Variants in ARHGEF10L observed in about 807,000 individuals in gnomAD.
ARHGEF10L encodes Rho guanine nucleotide exchange factor 10 like.
Under a neutral mutation model 141.2 loss-of-function variants are expected in ARHGEF10L, and 69 were observed. The ratio of observed to expected loss-of-function variants is 0.49; its 90% CI spans 0.40 to 0.60. ARHGEF10L has a LOEUF of 0.60. ARHGEF10L is among the 20% of genes least tolerant of loss of function. The pLI, the probability that ARHGEF10L is intolerant of heterozygous loss-of-function variation, is 0.00. For missense variants in ARHGEF10L, 1,482 were observed against 1,734.3 expected (o/e 0.85, Z 2.58); for synonymous variants, 711 against 718.5 (o/e 0.99, Z 0.17).
chr1:17,638,148 G>A lies in ARHGEF10L; in HGVS notation c.2043+145G>A, dbSNP rs183789712. 3.3e-4 allele frequency: 246 copies of A among 749,140 alleles called. 3 individuals carry two copies. In the East Asian group the frequency reaches 4.7e-3, roughly 14 times the overall value. The allele number at this position is 749,140 out of a possible 1,614,324, so 46.4% of individuals were successfully genotyped here. ...TTCTGAGCTCCTGTTGGCAACTGTCGCTGCTGAAGCTCCATGTCCCTGCCT... is the reference window on the plus strand; with the variant it reads ...TTCTGAGCTCCTGTTGGCAACTGTCACTGCTGAAGCTCCATGTCCCTGCCT... On this transcript the variant is annotated intron_variant, in intron 19 of 28. Transcript: ENST00000361221.
intron 26 of ARHGEF10L, among the ~76,000 whole-genome samples, chr1:17,665,078 A>G (rs12075624): frequency 0.18 from 27,540 of 152,150 alleles, 2,648 homozygotes; most frequent in African/African-American, 0.24. Context: ...TGGGGGGCTC[A>G]TCCCTGGCTC....
At chr1:17,655,464 CATCCATCCATCCATCT>C (rs532393378) in intron 23 of ARHGEF10L, among the ~76,000 whole-genome samples, 7 of 119,190 alleles carry the variant, frequency 5.9e-5, no homozygotes, top group African/African-American at 1.6e-4. Flanking sequence ...TCCATCCATC[CATCCATCCATCCATCT>C]ATCCATCCAT....
intron 1 of ARHGEF10L, among the ~76,000 whole-genome samples, chr1:17,551,739 C>G (rs2077119730): frequency 6.6e-6 from 1 of 152,142 alleles, no homozygotes; most frequent in African/African-American, 2.4e-5. Context: ...GCTCATTTTT[C>G]TCTTCCAAAA....
chr1:17,691,048 C>A, intron 27 of ARHGEF10L: 1 of 433,736 alleles, frequency 2.3e-6, no homozygotes, highest in Non-Finnish European at 4.6e-6. Flanking sequence ...CCCCTGACCC[C>A]TTTCTTCCAC....
At chr1:17,584,854 C>T (rs530185112) in intron 2 of ARHGEF10L, among the ~76,000 whole-genome samples, 5 of 147,900 alleles carry the variant, frequency 3.4e-5, no homozygotes, top group South Asian at 2.1e-4. Context: ...TGCACGTGTG[C>T]GTGCACACAC....
Position 17,624,426 on chromosome 1 carries a change from G to C in ARHGEF10L, c.1240G>C (p.Val414Leu), listed in dbSNP as rs755899050. 3.0e-5 allele frequency: 48 copies of C among 1,614,056 alleles called. No homozygotes were observed. Among genetic ancestry groups the C allele is most frequent in the Non-Finnish European group, 4.1e-5 (48 of 1,180,030 alleles). The change falls in exon 13 of 29, where the codon GTG (valine) becomes CTG (leucine). Residue 414 changes from valine (V) to leucine (L), a missense_variant. By Grantham distance (32) the Val-to-Leu change is conservative. Coordinates refer to ENST00000361221, the MANE Select transcript of ARHGEF10L (RefSeq NM_018125.4). ...SMVLDVYSDY[V>L]NNFTSAMSII... Reference sequence around the variant, plus strand: ...GGTGCTAGATGTGTACAGTGACTACGTGAACAACTTCACCAGTGCCATGTC... The same window carrying C: ...GGTGCTAGATGTGTACAGTGACTACCTGAACAACTTCACCAGTGCCATGTC...
upstream of ARHGEF10L, among the ~76,000 whole-genome samples, chr1:17,535,380 G>A (rs556950892): frequency 3.9e-5 from 6 of 152,326 alleles, no homozygotes; most frequent in South Asian, 1.0e-3. Flanking sequence ...TGTGTGACCT[G>A]GTTCCTAACA....
Position 17,619,730 on chromosome 1 carries a change from C to T in ARHGEF10L, c.942+285C>T, listed in dbSNP as rs917699884. ...AACTCCATGGCATGCAGAGCAGTCC[C>T]GTTGGCTGTTTCTGACTAAGGTGTC... On this transcript the variant is annotated intron_variant, in intron 10 of 28. Coordinates refer to ENST00000361221, the MANE Select transcript of ARHGEF10L (RefSeq NM_018125.4). This position sits in a 1 kb window ranked among gnomAD's most constrained non-coding sequence, Gnocchi z 5.0. Among the ~76,000 whole-genome samples, 1 of 152,184 alleles carries T rather than the reference C, an allele frequency of 6.6e-6. No individual in the cohort carries two copies. The highest frequency in any genetic ancestry group is 1.9e-4 in the East Asian group (1 of 5,190).
At position 17,607,399 on chromosome 1, in the gene ARHGEF10L, C is replaced by T. The variant is rs114182536; in HGVS notation, c.434-403C>T. On this transcript the variant is annotated intron_variant, in intron 6 of 28. Transcript: ENST00000361221. This position sits in a 1 kb window ranked among gnomAD's most constrained non-coding sequence, Gnocchi z 4.5. ...CTGAGATAGGAGGATCTCTTGAGCC[C>T]AGGAGTTTGAGGCCACAGTGAGCTA... 0.015 allele frequency among the ~76,000 whole-genome samples: 2,238 copies of T among 152,242 alleles called. 54 individuals carry two copies. Among genetic ancestry groups the T allele is most frequent in the African/African-American group, 0.05 (2,078 of 41,522 alleles).
chr1:17,533,501 G>A, the ARHGEF10L span, among the ~76,000 whole-genome samples: 3 of 152,120 alleles, frequency 2.0e-5, no homozygotes, highest in Non-Finnish European at 4.4e-5. Flanking sequence ...CATTCCCCAG[G>A]AGAATGGGCT....
At chr1:17,556,625 G>T (rs1023638052) in intron 1 of ARHGEF10L, among the ~76,000 whole-genome samples, 1 of 152,152 alleles carries the variant, frequency 6.6e-6, no homozygotes, top group Non-Finnish European at 1.5e-5. Flanking sequence ...CTGGCAGGTG[G>T]CCTAAGCACC....
At chr1:17,601,060 A>C (rs549588269) in intron 4 of ARHGEF10L, among the ~76,000 whole-genome samples, 19 of 144,570 alleles carry the variant, frequency 1.3e-4, no homozygotes, top group Admixed American at 7.4e-4. Flanking sequence ...AAAAAAAAAA[A>C]AAAAAAAACA....
intron 1 of ARHGEF10L, among the ~76,000 whole-genome samples, chr1:17,574,890 G>T (rs1182491159): frequency 6.6e-6 from 1 of 152,098 alleles, no homozygotes; most frequent in Non-Finnish European, 1.5e-5. Flanking sequence ...TCTTCCTTCC[G>T]GGCCCCGGGC....
chr1:17,642,785 T>G (rs2061396939), intron 21 of ARHGEF10L, among the ~76,000 whole-genome samples: 1 of 152,250 alleles, frequency 6.6e-6, no homozygotes, highest in Non-Finnish European at 1.5e-5. Flanking sequence ...GAAAGGCTAA[T>G]GTGGCTTCCC....
At chr1:17,658,764 G>A (rs777223330) in intron 25 of ARHGEF10L, among the ~76,000 whole-genome samples, 58 of 151,614 alleles carry the variant, frequency 3.8e-4, no homozygotes, top group Non-Finnish European at 7.5e-4. Flanking sequence ...ACATGATGCC[G>A]AGGGCTCCGA....
chr1:17,695,498 T>G (rs1468420987), intron 28 of ARHGEF10L, among the ~76,000 whole-genome samples: 1 of 152,244 alleles, frequency 6.6e-6, no homozygotes, highest in African/African-American at 2.4e-5. Flanking sequence ...ATCTGGCAGA[T>G]GGACACAAGA....
At chr1:17,588,590 A>G in intron 4 of ARHGEF10L, 111 bp downstream of exon 4, 1 of 1,377,676 alleles carries the variant, frequency 7.3e-7, no homozygotes, top group Non-Finnish European at 1.0e-6. Context: ...TCTTTGGCTA[A>G]GGAGGAAAGC....
At chr1:17,600,778 G>A (rs892543715) in intron 4 of ARHGEF10L, among the ~76,000 whole-genome samples, 10 of 152,038 alleles carry the variant, frequency 6.6e-5, no homozygotes, top group African/African-American at 1.9e-4. Context: ...GTTTAGGTGC[G>A]GTGACTCACT....
chr1:17,606,583 C>T (rs558044218), intron 6 of ARHGEF10L, among the ~76,000 whole-genome samples: 9 of 151,538 alleles, frequency 5.9e-5, no homozygotes, highest in Middle Eastern at 3.4e-3. Context: ...TGTGAGCCAC[C>T]GCGACCAGTC....
Sources: allele counts gnomAD v4.1 joint callset (sites outside exome capture counted in the v4.1 genomes callset), GRCh38; gene constraint gnomAD v4.1.1; non-coding constraint Gnocchi (gnomAD v3.1); transcripts MANE v1.5; gene names NCBI Gene and HGNC (gene_info 2026-07-23, HGNC 2026-07-21).